Variants in PDE11A observed in about 807,000 individuals in gnomAD.
PDE11A encodes the protein phosphodiesterase 11A.
Under a neutral mutation model 100.5 loss-of-function variants are expected in PDE11A, and 100 were observed. That is an observed-to-expected ratio of 1.00 (90% CI 0.85 to 1.18). The LOEUF is 1.18. Among genes scored for constraint, PDE11A ranks in the 50% most tolerant of loss-of-function variants. PDE11A has a pLI of 0.00. For missense variants in PDE11A, 1,141 were observed against 1,152.6 expected, an observed-to-expected ratio of 0.99 and a Z score of 0.15; for synonymous variants, 381 against 420.8, an observed-to-expected ratio of 0.91 and a Z score of 1.16.
chr2:177,665,360 G>A (rs553187807), intron 18 of PDE11A, among the ~76,000 whole-genome samples: 7 of 149,768 alleles, frequency 4.7e-5, no homozygotes, highest in Non-Finnish European at 5.9e-5. Flanking sequence ...CACACTTGTC[G>A]TCTCAGCTAC....
chr2:177,851,059 T>C (rs1009645945), intron 5 of PDE11A, among the ~76,000 whole-genome samples: 1 of 152,170 alleles, frequency 6.6e-6, no homozygotes. Flanking sequence ...GGATTATAAA[T>C]CATGGTGCTA....
intron 9 of PDE11A, among the ~76,000 whole-genome samples, chr2:177,790,328 C>G (rs932069218): frequency 6.6e-6 from 1 of 151,610 alleles, no homozygotes; most frequent in African/African-American, 2.4e-5. Flanking sequence ...GGAAAACTGG[C>G]TAGACATATG....
intron 9 of PDE11A, among the ~76,000 whole-genome samples, chr2:177,814,729 C>T (rs534431181): frequency 2.0e-5 from 3 of 152,150 alleles, no homozygotes; most frequent in Non-Finnish European, 4.4e-5. Flanking sequence ...GTTACATAAA[C>T]AAGAGGTGTT....
At chr2:177,744,051 G>A (rs2081912820) in intron 10 of PDE11A, among the ~76,000 whole-genome samples, 1 of 152,168 alleles carries the variant, frequency 6.6e-6, no homozygotes, top group African/African-American at 2.4e-5. Flanking sequence ...GTGAAGCCAA[G>A]CAAGAAAGGG....
chr2:177,816,487 C>T (rs2083041672), intron 9 of PDE11A, among the ~76,000 whole-genome samples: 1 of 152,052 alleles, frequency 6.6e-6, no homozygotes, highest in Admixed American at 6.6e-5. Flanking sequence ...AAAGTTGTGA[C>T]TTTATAGATT....
chr2:177,926,953 G>C (rs1480824690), intron 2 of PDE11A: 1 of 152,176 alleles, frequency 6.6e-6, no homozygotes, highest in Non-Finnish European at 1.5e-5. Context: ...TCTCCCTGCT[G>C]AGATCTCCTC....
At chr2:177,871,529 ATTATT>A (rs1558983877) in intron 5 of PDE11A, among the ~76,000 whole-genome samples, 1,506 of 32,108 alleles carry the variant, frequency 0.047, 27 homozygotes, top group African/African-American at 0.12. Context: ...GTAGTAAATT[ATTATT>A]ATTATTATTA....
At chr2:177,703,355 T>C (rs1232963831) in intron 13 of PDE11A, among the ~76,000 whole-genome samples, 1 of 152,186 alleles carries the variant, frequency 6.6e-6, no homozygotes, top group Non-Finnish European at 1.5e-5. Flanking sequence ...AGAAGTTAAG[T>C]AACTTTTCCA....
chr2:177,956,826 C>T (rs1469493082), intron 2 of PDE11A, among the ~76,000 whole-genome samples: 1 of 152,034 alleles, frequency 6.6e-6, no homozygotes, highest in South Asian at 2.1e-4. Context: ...AACCAAACAC[C>T]GCATGTTCTC....
intron 2 of PDE11A, among the ~76,000 whole-genome samples, chr2:177,968,928 A>G (rs992612599): frequency 6.6e-6 from 1 of 152,240 alleles, no homozygotes; most frequent in African/African-American, 2.4e-5. Flanking sequence ...GTATATGTCC[A>G]AAGGATTATA....
intron 9 of PDE11A, among the ~76,000 whole-genome samples, chr2:177,783,465 T>C (rs1204297864): frequency 6.6e-6 from 1 of 152,230 alleles, no homozygotes; most frequent in Admixed American, 6.5e-5. Flanking sequence ...GAGCAACAAG[T>C]ACCCAAACTA....
intron 1 of PDE11A, among the ~76,000 whole-genome samples, chr2:178,105,075 C>T (rs2087602338): frequency 6.6e-6 from 1 of 152,166 alleles, no homozygotes; most frequent in Non-Finnish European, 1.5e-5. Context: ...CAAGCATTAT[C>T]TGAAAGCAAT....
intron 10 of PDE11A, 133 bp downstream of exon 10, chr2:177,769,190 T>C: frequency 2.9e-6 from 2 of 697,090 alleles, no homozygotes; most frequent in Non-Finnish European, 2.6e-6. Context: ...AATATAAAAA[T>C]ACACCTTTGC....
chr2:177,992,163 A>G (rs2086012741), intron 2 of PDE11A, among the ~76,000 whole-genome samples: 1 of 151,378 alleles, frequency 6.6e-6, no homozygotes, highest in South Asian at 2.1e-4. Context: ...CTACAGATCA[A>G]TTTCATTATC....
rs1164943565 is a variant in PDE11A at position 177,946,492 on chromosome 2, T to A, written c.1072-41305A>T. Among the ~76,000 whole-genome samples the A allele has an allele frequency of 6.0e-3, 5 of 838 alleles. 2 individuals are homozygous for A. Among genetic ancestry groups the A allele is most frequent in the Non-Finnish European group, 0.014 (4 of 280 alleles). 0.5% of individuals were successfully genotyped at this position (838 alleles called of 152,430 possible). On this transcript the variant is annotated intron_variant, in intron 2 of 19. Transcript: ENST00000286063. Reference sequence around the variant, plus strand: ...GCCCCCCGCCCGGCCAGCCGCCCCGTCCCGGGAAGGAGGTGGGGGGGGTCA... The same window carrying A: ...GCCCCCCGCCCGGCCAGCCGCCCCGACCCGGGAAGGAGGTGGGGGGGGTCA...
intron 1 of PDE11A, among the ~76,000 whole-genome samples, chr2:178,037,355 A>G (rs903119468): frequency 1.3e-5 from 2 of 152,252 alleles, no homozygotes; most frequent in Admixed American, 6.5e-5. Flanking sequence ...AGTGACTATT[A>G]AAAAGTCAGG....
intron 3 of PDE11A, among the ~76,000 whole-genome samples, chr2:177,902,896 T>G (rs913568217): frequency 3.9e-5 from 6 of 152,306 alleles, no homozygotes; most frequent in African/African-American, 1.2e-4. Flanking sequence ...TACAGTTCTT[T>G]CCTAAGTCCT....
At chr2:177,744,587 A>G (rs192032632) in intron 10 of PDE11A, among the ~76,000 whole-genome samples, 1 of 152,272 alleles carries the variant, frequency 6.6e-6, no homozygotes, top group African/African-American at 2.4e-5. Context: ...CTTAATGAGG[A>G]TAATTTCTGA....
chr2:177,728,028 C>T lies in PDE11A; in HGVS notation c.1933G>A (p.Glu645Lys). The T allele has an allele frequency of 3.1e-6, 5 of 1,612,936 alleles. No homozygotes were observed. The highest frequency in any genetic ancestry group is 4.2e-6 in the Non-Finnish European group (5 of 1,179,154). The change falls in exon 11 of 20, where the codon GAG becomes AAG. Residue 645 changes from glutamate (E) to lysine (K), a missense_variant and splice_region_variant. Coordinates refer to ENST00000286063, the MANE Select transcript of PDE11A (RefSeq NM_016953.4). ...ATCACCCAAGACAGACATCTTACCT[C>T]ATAGTCAATTTTAAATTTCTGTACC... ...GMVQKFKIDY[E>K]TLCRWLLTVR...
Sources: gnomAD v4.1 joint callset for allele counts (sites outside exome capture counted in the v4.1 genomes callset) on GRCh38, gnomAD v4.1.1 for gene constraint, MANE v1.5 for transcripts, NCBI Gene and HGNC (gene_info 2026-07-23, HGNC 2026-07-21) for gene names.